The following ROS1 variants were observed in gnomAD, a reference collection of about 807,000 sequenced individuals.
ROS1 encodes ROS proto-oncogene 1, receptor tyrosine kinase.
A neutral mutation model predicts 273.5 loss-of-function variants in ROS1; 263 were observed. The observed-to-expected ratio is 0.96, with a 90% CI of 0.87 to 1.06. The LOEUF (loss-of-function observed/expected upper bound fraction) is 1.06, where lower values mean the gene tolerates loss of function less well. Ranked by LOEUF, ROS1 falls within the 50% of genes least tolerant of loss-of-function variation. ROS1 has a pLI of 0.00. For missense variants in ROS1, 2,833 were observed against 2,751.1 expected, an observed-to-expected ratio of 1.03 and a Z score of -0.67; for synonymous variants, 1,008 against 954.1, an observed-to-expected ratio of 1.06 and a Z score of -1.04.
At chr6:117,318,419 T>C (rs1026500389) in intron 37 of ROS1, among the ~76,000 whole-genome samples, 167 bp from the exon 38 acceptor site, 1 of 152,136 alleles carries the variant, frequency 6.6e-6, no homozygotes, top group Non-Finnish European at 1.5e-5. Flanking sequence ...AAATGTTACC[T>C]CCTGTTATTG....
At chr6:117,325,722 C>T (rs910021575) in intron 34 of ROS1, among the ~76,000 whole-genome samples, 3 of 152,024 alleles carry the variant, frequency 2.0e-5, no homozygotes, top group Non-Finnish European at 4.4e-5. Flanking sequence ...GACCTGATTA[C>T]TGAGTAGAGG....
intron 19 of ROS1, 86 bp from the exon 20 acceptor site, chr6:117,365,827 T>C: frequency 9.2e-7 from 1 of 1,081,830 alleles, no homozygotes; most frequent in Non-Finnish European, 1.3e-6. Context: ...CAATAGCAAT[T>C]ACTAATAATT....
rs74348802 is a variant in ROS1 at position 117,425,181 on chromosome 6, C to T, written c.123+353G>A. Reference sequence around the variant, plus strand: ...AGCAGGCATTATCCTGTGGCCAAACCGATTTCAGGTTTCAAGACAACTACT... The same window carrying T: ...AGCAGGCATTATCCTGTGGCCAAACTGATTTCAGGTTTCAAGACAACTACT... On this transcript the variant is annotated intron_variant, in intron 1 of 43. Coordinates refer to ENST00000368507, the MANE Select transcript of ROS1 (RefSeq NM_001378902.1). Among the ~76,000 whole-genome samples, 867 of 152,192 alleles carry T rather than the reference C, an allele frequency of 5.7e-3. 9 individuals are homozygous for T. Among genetic ancestry groups the T allele is most frequent in the African/African-American group, 0.019 (777 of 41,518 alleles).
chr6:117,425,689 G>A lies in ROS1; in HGVS notation c.-33C>T. On this transcript the variant is annotated 5_prime_UTR_variant, in exon 1 of 44. Transcript: ENST00000368507. Reference sequence around the variant, plus strand: ...CCAATGGCAGATTTTTAGATGGCCGGTCTAATTTTCTCCATTTTGCTATAT... The same window carrying A: ...CCAATGGCAGATTTTTAGATGGCCGATCTAATTTTCTCCATTTTGCTATAT... The A allele has an allele frequency of 6.2e-7, 1 of 1,606,688 alleles. No individual in the cohort carries two copies. Among genetic ancestry groups the A allele is most frequent in the Non-Finnish European group, 8.5e-7 (1 of 1,176,586 alleles).
At chr6:117,373,439 C>T (rs562151973) in intron 18 of ROS1, among the ~76,000 whole-genome samples, 34 of 152,374 alleles carry the variant, frequency 2.2e-4, no homozygotes, top group African/African-American at 4.8e-4. Flanking sequence ...CGCAGGGAGG[C>T]GCTGAGGCCC....
chr6:117,416,492 G>A lies in ROS1; in HGVS notation c.169-175C>T, dbSNP rs945290614. Among the ~76,000 whole-genome samples, 4 of 152,228 alleles carry A rather than the reference G, an allele frequency of 2.6e-5. No homozygotes were observed. The East Asian group carries it at 5.8e-4, about 22-fold the overall frequency. ...GGATTTTGGGATTCCAAACAGAGCT[G>A]TCCTATCTACAGGTAGAACAAGTCT... On this transcript the variant is annotated intron_variant, in intron 2 of 43. Transcript: ENST00000368507.
At position 117,310,297 on chromosome 6, in the gene ROS1, T is replaced by C. The variant is rs1255383258; in HGVS notation, c.6216-16A>G. On this transcript the variant is annotated splice_polypyrimidine_tract_variant and intron_variant, in intron 40 of 43. Coordinates refer to ENST00000368507, the MANE Select transcript of ROS1 (RefSeq NM_001378902.1). ...TGCCAGATCCCTGTGGCAGAAGTTA[T>C]ATTTAATAATAATAATAATAACAAC... 2.0e-6 allele frequency: 3 copies of C among 1,519,388 alleles called. No individual in the cohort carries two copies. The Admixed American group carries it at 5.7e-5, about 29-fold the overall frequency. 94.1% of individuals were successfully genotyped at this position (1,519,388 alleles called of 1,614,324 possible). A position where few individuals can be genotyped will look rare whatever the true frequency, so the allele number is the denominator to read the frequency against.
intron 4 of ROS1, among the ~76,000 whole-genome samples, chr6:117,411,937 G>A (rs965877261): frequency 3.3e-5 from 5 of 152,152 alleles, no homozygotes; most frequent in African/African-American, 1.2e-4. Flanking sequence ...ATAAGTCAAA[G>A]GCACAGGTAT....
At chr6:117,349,870 C>G (rs1042103909) in intron 27 of ROS1, among the ~76,000 whole-genome samples, 14 of 152,074 alleles carry the variant, frequency 9.2e-5, no homozygotes, top group African/African-American at 3.4e-4. Flanking sequence ...AAAATACTCC[C>G]AAGTCCTCTT....
intron 43 of ROS1, among the ~76,000 whole-genome samples, chr6:117,293,429 G>A (rs1198109279): frequency 6.6e-6 from 1 of 152,062 alleles, no homozygotes; most frequent in Non-Finnish European, 1.5e-5. Context: ...ACATAAATGA[G>A]CATTTCTGTA....
At chr6:117,392,544 A>G (rs1477054003) in intron 12 of ROS1, among the ~76,000 whole-genome samples, 1 of 152,224 alleles carries the variant, frequency 6.6e-6, no homozygotes, top group Non-Finnish European at 1.5e-5. Flanking sequence ...CACAAAATAC[A>G]TGCACAATAA....
At chr6:117,399,211 A>G (rs779415783) in intron 7 of ROS1, among the ~76,000 whole-genome samples, 1 of 152,212 alleles carries the variant, frequency 6.6e-6, no homozygotes, top group Non-Finnish European at 1.5e-5. Context: ...AATGAACAGC[A>G]AAATTTGTTT....
chr6:117,369,864 T>C (rs1348778862), intron 18 of ROS1, among the ~76,000 whole-genome samples: 1 of 152,186 alleles, frequency 6.6e-6, no homozygotes, highest in African/African-American at 2.4e-5. Flanking sequence ...TGTGTGTGTA[T>C]ATATATGGAT....
rs146569469 is a variant in ROS1, at chr6:117,371,774, C to T, written c.2583-5484G>A. On this transcript the variant is annotated intron_variant, in intron 18 of 43. Coordinates refer to ENST00000368507, the MANE Select transcript of ROS1 (RefSeq NM_001378902.1). The stretch of plus-strand genomic sequence containing the variant: ...CCTTTCAGGCTGTGTGGGAGTTGGG[C>T]GAGGCCGGTCACTGCTGGCTTTTCC... Among the ~76,000 whole-genome samples, 482 of 152,132 alleles carry T rather than the reference C, an allele frequency of 3.2e-3. 2 individuals are homozygous for T. Among genetic ancestry groups the T allele is most frequent in the African/African-American group, 0.011 (457 of 41,488 alleles).
At position 117,341,600 on chromosome 6, in the gene ROS1, C is replaced by A; in HGVS notation, c.4684G>T (p.Val1562Leu). 1 of 1,613,520 alleles carries A rather than the reference C, an allele frequency of 6.2e-7. No individual in the cohort carries two copies. Among genetic ancestry groups the A allele is most frequent in the South Asian group, 1.1e-5 (1 of 91,050 alleles). The change falls in exon 30 of 44, where the codon GTG becomes TTG. Residue 1562 changes from valine (V) to leucine (L), a missense_variant. By Grantham distance (32) the Val-to-Leu change is conservative (BLOSUM62 1). Transcript: ENST00000368507. ...PEAVQLINTT[V>L]RSDTSLIISW... ...ATAATGAGGCTGGTGTCTGACCGCA[C>A]AGTTGTATTAATGAGCTGCACTGCC...
chr6:117,417,245 G>C (rs985408638), intron 2 of ROS1, among the ~76,000 whole-genome samples: 21 of 151,994 alleles, frequency 1.4e-4, no homozygotes, highest in African/African-American at 4.1e-4. Flanking sequence ...CCTCAAATTT[G>C]CTCTTTCTCC....
intron 43 of ROS1, among the ~76,000 whole-genome samples, chr6:117,294,176 A>G (rs913028367): frequency 6.6e-6 from 1 of 152,182 alleles, no homozygotes; most frequent in African/African-American, 2.4e-5. Context: ...TAGAGGTTAT[A>G]TATGACAAAT....
intron 39 of ROS1, among the ~76,000 whole-genome samples, chr6:117,312,369 C>T (rs1311938219): frequency 6.6e-6 from 1 of 152,214 alleles, no homozygotes; most frequent in Non-Finnish European, 1.5e-5. Flanking sequence ...TAGGAATAAT[C>T]CTGATGTTCT....
intron 39 of ROS1, among the ~76,000 whole-genome samples, chr6:117,314,036 G>A (rs555874973): frequency 1.5e-3 from 222 of 152,112 alleles, no homozygotes; most frequent in Non-Finnish European, 2.0e-3. Context: ...GACTCAAAAC[G>A]ATCTGGAAAA....
Sources: allele counts gnomAD v4.1 joint callset (sites outside exome capture counted in the v4.1 genomes callset), GRCh38; gene constraint gnomAD v4.1.1; transcripts MANE v1.5; gene names NCBI Gene and HGNC (gene_info 2026-07-23, HGNC 2026-07-21).